Variants in APPBP2 observed in about 807,000 individuals in gnomAD.
APPBP2 encodes the protein amyloid protein-binding protein 2.
APPBP2 carries 15 observed loss-of-function variants against 76.0 expected under a neutral mutation model. That is an observed-to-expected ratio of 0.20 (90% CI 0.13 to 0.30). APPBP2 has a LOEUF of 0.30. Among genes scored for constraint, APPBP2 ranks in the 10% least tolerant of loss-of-function variants. The probability of loss-of-function intolerance (pLI) is 1.00; values close to 1 mark genes in which losing one functional copy is unlikely to be tolerated. For missense variants in APPBP2, 401 were observed against 687.2 expected (o/e 0.58, Z 4.66); for synonymous variants, 222 against 242.2 (o/e 0.92, Z 0.77).
chr17:60,495,731 T>A (rs747287224), intron 2 of APPBP2, among the ~76,000 whole-genome samples: 19 of 152,058 alleles, frequency 1.2e-4, no homozygotes, highest in Non-Finnish European at 2.8e-4. Context: ...TGTGAAAAAG[T>A]GTAGTGGTTC....
chr17:60,519,119 A>C (rs961038402), intron 1 of APPBP2, among the ~76,000 whole-genome samples: 3 of 145,754 alleles, frequency 2.1e-5, no homozygotes, highest in African/African-American at 8.0e-5. Flanking sequence ...GCACCACCAC[A>C]CCTGAATAAA....
intron 4 of APPBP2, among the ~76,000 whole-genome samples, chr17:60,478,391 G>A (rs190296185): frequency 1.3e-5 from 2 of 152,230 alleles, no homozygotes; most frequent in East Asian, 3.9e-4. Flanking sequence ...CTGTAAAAAA[G>A]TAATAAATGT....
At chr17:60,447,921 C>A in intron 12 of APPBP2, 87 bp from the exon 13 acceptor site, 2 of 1,278,150 alleles carry the variant, frequency 1.6e-6, no homozygotes, top group South Asian at 3.0e-5. Flanking sequence ...AAGTTCAATT[C>A]TTTAAACAGG....
intron 3 of APPBP2, among the ~76,000 whole-genome samples, chr17:60,490,927 A>T (rs559772776): frequency 6.6e-6 from 1 of 152,244 alleles, no homozygotes; most frequent in Non-Finnish European, 1.5e-5. Flanking sequence ...TTCCTTTATA[A>T]ATTATCCAGT....
At chr17:60,466,485 T>C (rs1195065053) in intron 4 of APPBP2, 26 bp from the exon 5 acceptor site, 1 of 1,599,768 alleles carries the variant, frequency 6.3e-7, no homozygotes, top group South Asian at 1.1e-5. Flanking sequence ...AACATTGCTC[T>C]ATTTTTGATA....
At chr17:60,460,576 A>G in intron 9 of APPBP2, 87 bp downstream of exon 9, 1 of 1,331,962 alleles carries the variant, frequency 7.5e-7, no homozygotes, top group South Asian at 1.5e-5. Flanking sequence ...TACTATTATT[A>G]ATGTAATAAT....
intron 4 of APPBP2, among the ~76,000 whole-genome samples, chr17:60,467,252 G>A (rs1453417524): frequency 6.6e-6 from 1 of 152,112 alleles, no homozygotes; most frequent in African/African-American, 2.4e-5. Flanking sequence ...AGGAACAAAG[G>A]TATAAAAGCT....
intron 4 of APPBP2, among the ~76,000 whole-genome samples, chr17:60,474,449 C>G (rs2090575089): frequency 6.6e-6 from 1 of 152,136 alleles, no homozygotes; most frequent in African/African-American, 2.4e-5. Context: ...GCTGGGATTA[C>G]AGGTGTTGAG....
At position 60,525,849 on chromosome 17, in the gene APPBP2, G is replaced by T; in HGVS notation, c.83C>A (p.Ser28Tyr). 2 of 1,613,756 alleles carry T rather than the reference G, an allele frequency of 1.2e-6. No homozygotes were observed. The highest frequency in any genetic ancestry group is 1.7e-6 in the Non-Finnish European group (2 of 1,179,902). The change falls in exon 1 of 13, where the codon TCC becomes TAC. Residue 28 changes from serine (S) to tyrosine (Y), a missense_variant. By Grantham distance (144) the Ser-to-Tyr change is moderately radical. Around this residue, in one of 5 missense-constraint regions of APPBP2, gnomAD observed 149 missense variants for 198.4 expected, o/e 0.75. Transcript: ENST00000083182. Reference sequence around the variant, plus strand: ...GGGCAAGGAGCGGATGTCTCGGCGGGAGCGGATGTAGTTGTCCACGACAGC... The same window carrying T: ...GGGCAAGGAGCGGATGTCTCGGCGGTAGCGGATGTAGTTGTCCACGACAGC... ...ISAVVDNYIR[S>Y]RRDIRSLPEN...
intron 10 of APPBP2, 99 bp from the exon 11 acceptor site, chr17:60,454,591 T>A (rs1376621658): frequency 1.1e-5 from 8 of 718,822 alleles, no homozygotes; most frequent in Non-Finnish European, 1.5e-5. Flanking sequence ...GTTTACTGAA[T>A]ATATTTATAT....
intron 1 of APPBP2, among the ~76,000 whole-genome samples, chr17:60,512,916 TAA>T (rs1300804966): frequency 5.5e-5 from 7 of 127,146 alleles, no homozygotes; most frequent in Non-Finnish European, 1.0e-4. Flanking sequence ...GTTTCAGAAA[TAA>T]GTCTGAAAGT....
rs536666136 is a variant in APPBP2 at position 60,466,474 on chromosome 17, T to C, written c.504-15A>G. On this transcript the variant is annotated splice_polypyrimidine_tract_variant and intron_variant, in intron 4 of 12. Transcript: ENST00000083182. The stretch of plus-strand genomic sequence containing the variant: ...CATGAAGCAACCTATAAAACACCAA[T>C]AACATTGCTCTATTTTTGATATTTT... The C allele has an allele frequency of 6.2e-7, 1 of 1,607,066 alleles. No homozygotes were observed. The highest frequency in any genetic ancestry group is 8.5e-7 in the Non-Finnish European group (1 of 1,178,766).
At chr17:60,491,395 A>G (rs772888707) in intron 3 of APPBP2, among the ~76,000 whole-genome samples, 2 of 152,146 alleles carry the variant, frequency 1.3e-5, no homozygotes, top group Non-Finnish European at 2.9e-5. Flanking sequence ...GAGTGCTGTT[A>G]AAAGCATTGT....
chr17:60,516,481 A>G (rs961715770), intron 1 of APPBP2, among the ~76,000 whole-genome samples: 1 of 152,230 alleles, frequency 6.6e-6, no homozygotes, highest in Non-Finnish European at 1.5e-5. Flanking sequence ...AACCTCTGGT[A>G]TATATTCCTG....
At chr17:60,521,614 GC>G (rs144870740) in intron 1 of APPBP2, among the ~76,000 whole-genome samples, 12,467 of 151,844 alleles carry the variant, frequency 0.082, 1,692 homozygotes, top group African/African-American at 0.28. Flanking sequence ...ATGGGGTCTC[GC>G]TTTATTGCCC....
At chr17:60,516,363 A>G (rs1356612332) in intron 1 of APPBP2, among the ~76,000 whole-genome samples, 1 of 152,208 alleles carries the variant, frequency 6.6e-6, no homozygotes, top group Non-Finnish European at 1.5e-5. Flanking sequence ...TAGGACATAA[A>G]TAATATGAAG....
chr17:60,460,836 A>G (rs2090471002), intron 8 of APPBP2, 49 bp from the exon 9 acceptor site: 4 of 1,570,498 alleles, frequency 2.5e-6, no homozygotes, highest in Non-Finnish European at 3.5e-6. Flanking sequence ...AATACCACCT[A>G]GTTAAATTAA....
chr17:60,514,518 T>C (rs1256973781), intron 1 of APPBP2, among the ~76,000 whole-genome samples: 2 of 152,226 alleles, frequency 1.3e-5, no homozygotes, highest in African/African-American at 4.8e-5. Flanking sequence ...TTATTCTCCC[T>C]ACTTGCTCTA....
intron 2 of APPBP2, among the ~76,000 whole-genome samples, chr17:60,498,405 A>C (rs982361877): frequency 3.9e-5 from 6 of 152,176 alleles, no homozygotes; most frequent in Non-Finnish European, 7.4e-5. Flanking sequence ...GTTGTCTTAA[A>C]TTGCTTTCAA....
Sources: allele counts gnomAD v4.1 joint callset (sites outside exome capture counted in the v4.1 genomes callset), GRCh38; gene constraint gnomAD v4.1.1; regional missense constraint gnomAD v4.1.1; transcripts MANE v1.5; gene names NCBI Gene and HGNC (gene_info 2026-07-23, HGNC 2026-07-21).